Variants in FSD2 observed in about 807,000 individuals in gnomAD.
The protein encoded by FSD2 is fibronectin type III and SPRY domain-containing protein 2.
FSD2 carries 71 observed loss-of-function variants against 80.4 expected under a neutral mutation model. That is an observed-to-expected ratio of 0.88 (90% CI 0.73 to 1.08). The LOEUF is 1.08. FSD2 is among the 50% of genes least tolerant of loss of function. FSD2 has a pLI of 0.00. For missense variants in FSD2, 923 were observed against 913.8 expected (o/e 1.01, Z -0.13); for synonymous variants, 361 against 329.5 (o/e 1.10, Z -1.03).
In FSD2 at chr15:82,765,268, C is replaced by T; in HGVS notation, c.1718G>A (p.Cys573Tyr). The T allele has an allele frequency of 6.2e-7, 1 of 1,613,158 alleles. No homozygotes were observed. Among genetic ancestry groups the T allele is most frequent in the South Asian group, 1.1e-5 (1 of 90,912 alleles). Residue 573 changes from cysteine to tyrosine, a missense_variant, in exon 11 of 13, where the codon TGC becomes TAC. Transcript: ENST00000334574. ...TTCAGAAATGGTCAGCCAGGGATGG[C>T]AAGTGTCCTTGTTTAGGCGAAAGTA... is the stretch of plus-strand genomic sequence containing the variant. ...GSYFRLNKDT[C>Y]HPWLTISEDG...
chr15:82,769,916 TA>T, intron 7 of FSD2, 32 bp from the exon 8 acceptor site: 1 of 1,610,590 alleles, frequency 6.2e-7, no homozygotes, highest in Non-Finnish European at 8.5e-7. Flanking sequence ...AATTCAACCC[TA>T]AAAACTGGCC....
Position 82,786,308 on chromosome 15 carries a change from G to T in FSD2, c.735+203C>A, listed in dbSNP as rs2049995441. ...CACCAAGAGCTTATAGTTCAGCAGG[G>T]AATGCTGACAGGTAATTGGTTCCAT... On this transcript the variant is annotated intron_variant, in intron 3 of 12. Coordinates refer to ENST00000334574, the MANE Select transcript of FSD2 (RefSeq NM_001007122.4). 3.9e-5 allele frequency among the ~76,000 whole-genome samples: 6 copies of T among 152,336 alleles called. No individual in the cohort carries two copies. In the South Asian group the frequency reaches 1.2e-3, roughly 32 times the overall value.
In FSD2 at chr15:82,778,828, T is replaced by A; in HGVS notation, c.1049A>T (p.Glu350Val). 6.2e-7 allele frequency: 1 copy of A among 1,613,984 alleles called. No homozygotes were observed. The highest frequency in any genetic ancestry group is 1.7e-5 in the Admixed American group (1 of 60,016). ...DVEISAQPEFEDQTLDFSDVE... is the reference protein window; with the variant it reads ...DVEISAQPEFVDQTLDFSDVE... ...ATCAGAGAAATCCAAGGTCTGGTCT[T>A]CAAACTCAGGCTGTGCAGAGATTTC... Residue 350 changes from glutamate (E) to valine (V), a missense_variant, in exon 6 of 13, where the codon GAA becomes GTA. Physicochemically the swap from Glu to Val is moderately radical, Grantham distance 121. Transcript: ENST00000334574.
At chr15:82,794,766 C>T (rs1300799411) in intron 1 of FSD2, among the ~76,000 whole-genome samples, 1 of 150,430 alleles carries the variant, frequency 6.6e-6, no homozygotes, top group Non-Finnish European at 1.5e-5. Context: ...GCTCTGTCAC[C>T]CAGGTTGGAG....
chr15:82,772,241 A>G lies in FSD2; in HGVS notation c.1112-13T>C. 1.3e-6 allele frequency: 2 copies of G among 1,598,310 alleles called. No individual in the cohort carries two copies. The highest frequency in any genetic ancestry group is 1.7e-6 in the Non-Finnish European group (2 of 1,172,498). On this transcript the variant is annotated splice_polypyrimidine_tract_variant and intron_variant, in intron 6 of 12. Coordinates refer to ENST00000334574, the MANE Select transcript of FSD2 (RefSeq NM_001007122.4). ...GGAGCAGAAGGAGCTAGGAAAAGAA[A>G]AGAAAAAAGAAGAGGAACCTCTAAT...
chr15:82,764,568 C>T (rs2049368519), intron 11 of FSD2, among the ~76,000 whole-genome samples: 1 of 145,622 alleles, frequency 6.9e-6, no homozygotes, highest in Non-Finnish European at 1.5e-5. Context: ...CATCTCCGCC[C>T]CGCGGGTTCA....
chr15:82,804,389 G>C (rs1395855759), intron 1 of FSD2, among the ~76,000 whole-genome samples: 1 of 152,128 alleles, frequency 6.6e-6, no homozygotes, highest in African/African-American at 2.4e-5. Flanking sequence ...CCTGATTTTA[G>C]GATGGCAAAA....
Position 82,778,158 on chromosome 15 carries a change from A to ATATATATATATATGTATATATATAT in FSD2, c.1111+607_1111+608insATATATATATACATATATATATATA, listed in dbSNP as rs1482215584. On this transcript the variant is annotated intron_variant, in intron 6 of 12. Transcript: ENST00000334574. Reference sequence around the variant, plus strand: ...TATATATATATATATATATATATATAATAACTATTACATGATCTAGTAATT... The same window carrying ATATATATATATATGTATATATATAT: ...TATATATATATATATATATATATATATATATATATATATGTATATATATATATAACTATTACATGATCTAGTAATT... 1.0e-4 allele frequency among the ~76,000 whole-genome samples: 13 copies of ATATATATATATATGTATATATATAT among 129,062 alleles called. 1 individual carries two copies. Among genetic ancestry groups the ATATATATATATATGTATATATATAT allele is most frequent in the African/African-American group, 3.6e-4 (11 of 30,346 alleles). The allele number at this position is 129,062 out of a possible 152,430, so 84.7% of individuals were successfully genotyped here. A position where few individuals can be genotyped will look rare whatever the true frequency, so the allele number is the denominator to read the frequency against.
chr15:82,772,685 G>C lies in FSD2; in HGVS notation c.1112-457C>G, dbSNP rs2049612416. Among the ~76,000 whole-genome samples the C allele has an allele frequency of 2.6e-5, 4 of 152,184 alleles. No homozygotes were observed. In the South Asian group the frequency reaches 8.3e-4, roughly 32 times the overall value. ...TCTCCCACATTAATGAGAGAAGATTGGGGTGGCCCAATTGTGATTTTCAGA... is the reference window on the plus strand; with the variant it reads ...TCTCCCACATTAATGAGAGAAGATTCGGGTGGCCCAATTGTGATTTTCAGA... On this transcript the variant is annotated intron_variant, in intron 6 of 12. Coordinates refer to ENST00000334574, the MANE Select transcript of FSD2 (RefSeq NM_001007122.4).
intron 5 of FSD2, among the ~76,000 whole-genome samples, chr15:82,779,862 T>C (rs1023971170): frequency 6.6e-6 from 1 of 152,160 alleles, no homozygotes; most frequent in Non-Finnish European, 1.5e-5. Flanking sequence ...TAGCAGGATT[T>C]GAACTGCTAT....
chr15:82,798,873 G>GTTTTTTTT lies in FSD2; in HGVS notation c.-79+7092_-79+7093insAAAAAAAA, dbSNP rs149986626. ...AAGTTTTCTTTCCACTATCTCCACT[G>GTTTTTTTT]TTTTGTTTTTTTTTTTTTTTTTGAG... On this transcript the variant is annotated intron_variant, in intron 1 of 12. Coordinates refer to ENST00000334574, the MANE Select transcript of FSD2 (RefSeq NM_001007122.4). 1.5e-4 allele frequency among the ~76,000 whole-genome samples: 17 copies of GTTTTTTTT among 111,472 alleles called. 3 individuals are homozygous for GTTTTTTTT. The highest frequency in any genetic ancestry group is 2.3e-4 in the Non-Finnish European group (13 of 57,494). The allele number at this position is 111,472 out of a possible 152,430, so 73.1% of individuals were successfully genotyped here. A position where few individuals can be genotyped will look rare whatever the true frequency, so the allele number is the denominator to read the frequency against.
At chr15:82,796,392 A>C (rs1217801894) in intron 1 of FSD2, 1 of 153,904 alleles carries the variant, frequency 6.5e-6, no homozygotes, top group African/African-American at 2.4e-5. Flanking sequence ...AAACATATGG[A>C]AACACAGGTG....
chr15:82,801,772 T>C (rs1467759990), intron 1 of FSD2, among the ~76,000 whole-genome samples: 5 of 152,116 alleles, frequency 3.3e-5, no homozygotes, highest in Admixed American at 1.3e-4. Flanking sequence ...TGGAAGATAG[T>C]GGTAAATATC....
intron 1 of FSD2, among the ~76,000 whole-genome samples, chr15:82,790,209 C>G (rs2050106813): frequency 7.3e-6 from 1 of 137,648 alleles, no homozygotes; most frequent in Non-Finnish European, 1.6e-5. Flanking sequence ...ACAACAACAA[C>G]AAACAAACAA....
At chr15:82,793,511 C>T (rs1221662123) in intron 1 of FSD2, among the ~76,000 whole-genome samples, 1 of 152,142 alleles carries the variant, frequency 6.6e-6, no homozygotes, top group Non-Finnish European at 1.5e-5. Context: ...ACTTCCATGA[C>T]TACCAATCAC....
intron 8 of FSD2, 147 bp from the exon 9 acceptor site, chr15:82,769,177 C>T (rs2049497828): frequency 1.5e-6 from 1 of 670,370 alleles, no homozygotes; most frequent in Non-Finnish European, 2.3e-6. Context: ...GAATCCCTTC[C>T]AGATGTTCCT....
At chr15:82,794,755 C>T (rs1456876411) in intron 1 of FSD2, among the ~76,000 whole-genome samples, 7 of 144,334 alleles carry the variant, frequency 4.8e-5, no homozygotes, top group African/African-American at 1.5e-4. Flanking sequence ...GAAGGAGTCT[C>T]GCTCTGTCAC....
chr15:82,805,788 C>T (rs1006058880), intron 1 of FSD2, among the ~76,000 whole-genome samples, 178 bp downstream of exon 1: 1 of 152,144 alleles, frequency 6.6e-6, no homozygotes, highest in South Asian at 2.1e-4. Context: ...TCAGTTAATG[C>T]GAATTCTTGC....
In FSD2 at chr15:82,768,887, C is replaced by T. The variant is rs758347169; in HGVS notation, c.1546G>A (p.Val516Ile). The change falls in exon 9 of 13, where the codon GTA (valine) becomes ATA (isoleucine). Residue 516 changes from valine to isoleucine, a missense_variant. Transcript: ENST00000334574. ...AATGCCCTCATGACTCACTCAGTTA[C>T]ACCCGAGGCTTCTGGACTTTCAGCC... ...TQAESPEASG[V>I]TESVVGIPTC... 2.6e-6 allele frequency: 4 copies of T among 1,549,146 alleles called. No homozygotes were observed. The highest frequency in any genetic ancestry group is 3.8e-5 in the Admixed American group (2 of 52,084).
Sources: allele counts gnomAD v4.1 joint callset (sites outside exome capture counted in the v4.1 genomes callset), GRCh38; gene constraint gnomAD v4.1.1; transcripts MANE v1.5; gene names NCBI Gene and HGNC (gene_info 2026-07-23, HGNC 2026-07-21).